PIGH: variants seen among roughly 807,000 people sequenced by gnomAD.
PIGH encodes phosphatidylinositol glycan anchor biosynthesis class H.
PIGH carries 11 observed loss-of-function variants against 20.1 expected under a neutral mutation model. The ratio of observed to expected loss-of-function variants is 0.55; its 90% CI spans 0.34 to 0.91. The LOEUF is 0.91. PIGH is among the 40% of genes least tolerant of loss of function. PIGH has a pLI of 0.02. For missense variants in PIGH, 189 were observed against 233.6 expected, an observed-to-expected ratio of 0.81 and a Z score of 1.24; for synonymous variants, 72 against 93.1, an observed-to-expected ratio of 0.77 and a Z score of 1.31.
intron 1 of PIGH, among the ~76,000 whole-genome samples, chr14:67,596,295 A>ATCTTTTTTT (rs2036472807): frequency 1.7e-5 from 1 of 60,228 alleles, no homozygotes; most frequent in Non-Finnish European, 2.8e-5. Context: ...CGCCCAGCTA[A>ATCTTTTTTT]TTTTTTTTTT....
intron 1 of PIGH, among the ~76,000 whole-genome samples, chr14:67,599,694 A>G (rs867523537): frequency 2.0e-5 from 3 of 152,180 alleles, no homozygotes; most frequent in Non-Finnish European, 2.9e-5. Flanking sequence ...CTTGGAATTA[A>G]ATTACTGCGC....
intron 1 of PIGH, among the ~76,000 whole-genome samples, chr14:67,597,783 C>T (rs1307543785): frequency 1.7e-5 from 2 of 116,446 alleles, no homozygotes; most frequent in African/African-American, 6.2e-5. Context: ...GACATTAAAG[C>T]ACACAGGAAT....
At chr14:67,596,221 C>T (rs1212756334) in intron 1 of PIGH, among the ~76,000 whole-genome samples, 4 of 149,722 alleles carry the variant, frequency 2.7e-5, no homozygotes, top group Middle Eastern at 7.0e-3. Flanking sequence ...CTCCACCTCC[C>T]GGGTTCAAGT....
intron 2 of PIGH, 200 bp downstream of exon 2, chr14:67,593,541 TAA>T (rs1291299226): frequency 3.7e-5 from 20 of 544,146 alleles, no homozygotes; most frequent in African/African-American, 3.6e-4. Flanking sequence ...ATGCCAGTGA[TAA>T]TTTTGAAGTT....
intron 1 of PIGH, among the ~76,000 whole-genome samples, chr14:67,597,960 T>C (rs1022109538): frequency 1.3e-5 from 2 of 152,074 alleles, no homozygotes; most frequent in Non-Finnish European, 2.9e-5. Flanking sequence ...CAAGAAGGAA[T>C]GAAGGGATGA....
chr14:67,591,252 T>TA (rs1566775846), intron 3 of PIGH, among the ~76,000 whole-genome samples: 1 of 152,088 alleles, frequency 6.6e-6, no homozygotes, highest in Non-Finnish European at 1.5e-5. Flanking sequence ...CATATTAAGC[T>TA]AAAAAAGCTA....
At chr14:67,595,330 TACTG>T (rs2036453835) in intron 1 of PIGH, among the ~76,000 whole-genome samples, 1 of 152,206 alleles carries the variant, frequency 6.6e-6, no homozygotes, top group Admixed American at 6.5e-5. Flanking sequence ...GTACCGTTCC[TACTG>T]ACTTTGTATT....
At chr14:67,595,058 A>C (rs1364190242) in intron 1 of PIGH, among the ~76,000 whole-genome samples, 1 of 151,594 alleles carries the variant, frequency 6.6e-6, no homozygotes, top group Non-Finnish European at 1.5e-5. Flanking sequence ...AATGGCGTGA[A>C]CCCAGGAGGT....
At position 67,600,250 on chromosome 14, in the gene PIGH, C is replaced by G. The variant is rs1375910777; in HGVS notation, c.-47G>C. 2 of 1,471,242 alleles carry G rather than the reference C, an allele frequency of 1.4e-6. No homozygotes were observed. The allele number at this position is 1,471,242 out of a possible 1,614,324, so 91.1% of individuals were successfully genotyped here. On this transcript the variant is annotated 5_prime_UTR_variant, in exon 1 of 4. Coordinates refer to ENST00000216452, the MANE Select transcript of PIGH (RefSeq NM_004569.5). ...GCACCGCGCGGCGCTGCACTGCGCT[C>G]GCCGGCCCTGGCCGTCTCGCCCGCT...
chr14:67,598,814 A>G lies in PIGH; in HGVS notation c.180+1210T>C, dbSNP rs528431528. Reference sequence around the variant, plus strand: ...TACCTCCACCTCCCAGGTTCAAGCGATTCTCCCGCCTGAGCCTTCCGAGTG... The same window carrying G: ...TACCTCCACCTCCCAGGTTCAAGCGGTTCTCCCGCCTGAGCCTTCCGAGTG... On this transcript the variant is annotated intron_variant, in intron 1 of 3. Transcript: ENST00000216452. Among the ~76,000 whole-genome samples the G allele has an allele frequency of 2.6e-5, 4 of 151,028 alleles. No homozygotes were observed. The South Asian group carries it at 8.4e-4, about 32-fold the overall frequency.
chr14:67,596,450 T>C (rs895667360), intron 1 of PIGH, among the ~76,000 whole-genome samples: 14 of 151,894 alleles, frequency 9.2e-5, no homozygotes, highest in African/African-American at 3.1e-4. Context: ...AAAGCTATGA[T>C]TTAGAAGACT....
At chr14:67,590,270 T>C (rs1052206472) in intron 3 of PIGH, 98 bp from the exon 4 acceptor site, 11 of 789,084 alleles carry the variant, frequency 1.4e-5, no homozygotes, top group Non-Finnish European at 1.8e-5. Flanking sequence ...TTTTTTTTTT[T>C]GAGACAGAGT....
chr14:67,595,854 A>G (rs990194471), intron 1 of PIGH, among the ~76,000 whole-genome samples: 1 of 152,188 alleles, frequency 6.6e-6, no homozygotes, highest in Non-Finnish European at 1.5e-5. Flanking sequence ...AAGAGCCGGA[A>G]TCAAATGAGT....
At chr14:67,597,767 A>AAGAAAG (rs1566780662) in intron 1 of PIGH, among the ~76,000 whole-genome samples, 1 of 47,198 alleles carries the variant, frequency 2.1e-5, no homozygotes, top group Admixed American at 2.7e-4. Flanking sequence ...GTTTAAAAAA[A>AAGAAAG]AAAAAGACAT....
chr14:67,592,594 T>G lies in PIGH; in HGVS notation c.474+41A>C, dbSNP rs757247046. The G allele has an allele frequency of 1.9e-5, 22 of 1,167,544 alleles. No homozygotes were observed. The South Asian group carries it at 2.6e-4, about 14-fold the overall frequency. The allele number at this position is 1,167,544 out of a possible 1,614,324, so 72.3% of individuals were successfully genotyped here. ...GAATTTACATTCCTAATGAAAAGGT[T>G]GAGGAGTAATTGGAGAATGGTAAAA... On this transcript the variant is annotated intron_variant, in intron 3 of 3. Transcript: ENST00000216452.
chr14:67,592,289 AAT>A (rs1555375364), intron 3 of PIGH: 6 of 413,406 alleles, frequency 1.5e-5, no homozygotes, highest in South Asian at 5.6e-5. Context: ...AAAAAAAAAA[AAT>A]TAGCCAGGCG....
chr14:67,592,525 C>G, intron 3 of PIGH, 110 bp downstream of exon 3: 2 of 645,088 alleles, frequency 3.1e-6, no homozygotes, highest in Non-Finnish European at 5.6e-6. Flanking sequence ...TCCTAATTAT[C>G]ACTCAAAACA....
intron 1 of PIGH, among the ~76,000 whole-genome samples, chr14:67,598,378 GC>G (rs1363587532): frequency 6.6e-6 from 1 of 152,118 alleles, no homozygotes; most frequent in Non-Finnish European, 1.5e-5. Flanking sequence ...CCTAAGATCA[GC>G]TATACAATGG....
chr14:67,593,560 G>A lies in PIGH; in HGVS notation c.390+183C>T, dbSNP rs115219285. 2,484 of 567,242 alleles carry A rather than the reference G, an allele frequency of 4.4e-3. 41 individuals are homozygous for A. Among genetic ancestry groups the A allele is most frequent in the African/African-American group, 0.04 (2,130 of 53,040 alleles). 35.1% of individuals were successfully genotyped at this position (567,242 alleles called of 1,614,324 possible). ...CAGTGATAATTTTGAAGTTGGTCTT[G>A]AAGATAAAGTTGAAATGCTAATTCC... is the stretch of plus-strand genomic sequence containing the variant. On this transcript the variant is annotated intron_variant, in intron 2 of 3. Coordinates refer to ENST00000216452, the MANE Select transcript of PIGH (RefSeq NM_004569.5).
Sources: allele counts gnomAD v4.1 joint callset (sites outside exome capture counted in the v4.1 genomes callset), GRCh38; gene constraint gnomAD v4.1.1; transcripts MANE v1.5; gene names NCBI Gene and HGNC (gene_info 2026-07-23, HGNC 2026-07-21).